The following RSRC1 variants were observed in gnomAD, a reference collection of about 807,000 sequenced individuals.
RSRC1 encodes the protein serine/Arginine-related protein 53.
RSRC1 carries 39 observed loss-of-function variants against 49.1 expected under a neutral mutation model. That is an observed-to-expected ratio of 0.79 (90% CI 0.61 to 1.04). The LOEUF (loss-of-function observed/expected upper bound fraction) is 1.04. RSRC1 is among the 50% of genes least tolerant of loss of function. The pLI is 0.00. For synonymous variants in RSRC1, 143 were observed against 130.8 expected (o/e 1.09, Z -0.63); for missense variants, 388 against 402.4 (o/e 0.96, Z 0.31).
At chr3:158,453,573 G>C (rs1190134114) in intron 6 of RSRC1, among the ~76,000 whole-genome samples, 2 of 151,802 alleles carry the variant, frequency 1.3e-5, no homozygotes, top group Admixed American at 6.6e-5. Flanking sequence ...CATAGAAACA[G>C]GGTCTCACCA....
chr3:158,389,727 C>T (rs1186751755), intron 6 of RSRC1, among the ~76,000 whole-genome samples: 1 of 152,140 alleles, frequency 6.6e-6, no homozygotes. Context: ...AGGTTCCAAG[C>T]TCAAATAATT....
chr3:158,116,713 A>G (rs545191458), intron 1 of RSRC1, among the ~76,000 whole-genome samples: 109 of 128,718 alleles, frequency 8.5e-4, no homozygotes, highest in African/African-American at 3.4e-3. Flanking sequence ...GTTACAGTGA[A>G]TATAGTTTTG....
rs555299553 is a variant in RSRC1, at chr3:158,478,302, A to G, written c.652+17299A>G. On this transcript the variant is annotated intron_variant, in intron 7 of 9. Coordinates refer to ENST00000611884, the MANE Select transcript of RSRC1 (RefSeq NM_001271838.2). ...TGGACTTTTTGAAATATTTTTTTCT[A>G]TGTCTTGTTGAGATGATCATGTGGG... Among the ~76,000 whole-genome samples the G allele has an allele frequency of 4.0e-5, 6 of 150,998 alleles. No homozygotes were observed. The South Asian group carries it at 6.3e-4, about 16-fold the overall frequency.
Position 158,492,105 on chromosome 3 carries a change from A to G in RSRC1, c.652+31102A>G, listed in dbSNP as rs1231830426. 4.6e-5 allele frequency among the ~76,000 whole-genome samples: 7 copies of G among 152,166 alleles called. 1 individual carries two copies. The South Asian group carries it at 1.5e-3, about 32-fold the overall frequency. On this transcript the variant is annotated intron_variant, in intron 7 of 9. Coordinates refer to ENST00000611884, the MANE Select transcript of RSRC1 (RefSeq NM_001271838.2). Reference sequence around the variant, plus strand: ...AGCAAGGCATGTTTTACATGGCAGCAAGAGAGAGAGAGTGGGCGAGCAAGG... The same window carrying G: ...AGCAAGGCATGTTTTACATGGCAGCGAGAGAGAGAGAGTGGGCGAGCAAGG...
At chr3:158,129,941 T>C (rs1020928041) in intron 3 of RSRC1, among the ~76,000 whole-genome samples, 1 of 152,242 alleles carries the variant, frequency 6.6e-6, no homozygotes, top group Non-Finnish European at 1.5e-5. Flanking sequence ...TTTCTTTAGT[T>C]TCTCCAAACA....
At chr3:158,154,328 C>T (rs567302686) in intron 3 of RSRC1, among the ~76,000 whole-genome samples, 48 of 152,148 alleles carry the variant, frequency 3.2e-4, no homozygotes, top group African/African-American at 9.4e-4. Context: ...ATCATGGTGG[C>T]GGTTGCTGAA....
intron 7 of RSRC1, among the ~76,000 whole-genome samples, chr3:158,525,477 T>C (rs1711956396): frequency 6.6e-6 from 1 of 151,994 alleles, no homozygotes; most frequent in East Asian, 1.9e-4. Context: ...ATAACCACTT[T>C]GGAAATCAGT....
chr3:158,330,029 G>A (rs868083770), intron 5 of RSRC1, among the ~76,000 whole-genome samples: 23 of 152,336 alleles, frequency 1.5e-4, no homozygotes, highest in African/African-American at 4.3e-4. Flanking sequence ...TGGACCCTCC[G>A]AGCCAGGCGC....
At chr3:158,467,563 C>A (rs894874510) in intron 7 of RSRC1, among the ~76,000 whole-genome samples, 1 of 152,118 alleles carries the variant, frequency 6.6e-6, no homozygotes, top group African/African-American at 2.4e-5. Flanking sequence ...CCATAGTATG[C>A]ACCTTTAGGG....
At chr3:158,396,059 T>A (rs1733593366) in intron 6 of RSRC1, among the ~76,000 whole-genome samples, 1 of 152,096 alleles carries the variant, frequency 6.6e-6, no homozygotes, top group South Asian at 2.1e-4. Flanking sequence ...CTGGGTGCCA[T>A]TATCCTAAGC....
chr3:158,534,366 A>G (rs1051503399), intron 7 of RSRC1, among the ~76,000 whole-genome samples: 1 of 151,720 alleles, frequency 6.6e-6, no homozygotes, highest in African/African-American at 2.4e-5. Flanking sequence ...TAAAGCTGCT[A>G]TAAAAATTAG....
chr3:158,269,957 G>A (rs138815162), intron 4 of RSRC1, among the ~76,000 whole-genome samples: 2 of 152,248 alleles, frequency 1.3e-5, no homozygotes, highest in East Asian at 3.9e-4. Flanking sequence ...GAAATTGAAA[G>A]CAAATATTTA....
intron 6 of RSRC1, among the ~76,000 whole-genome samples, chr3:158,419,227 C>T (rs1473408786): frequency 6.6e-6 from 1 of 151,854 alleles, no homozygotes; most frequent in Non-Finnish European, 1.5e-5. Flanking sequence ...TGTAGACTTC[C>T]ACAAAGATTT....
chr3:158,417,538 T>C (rs1014068314), intron 6 of RSRC1, among the ~76,000 whole-genome samples: 7 of 152,030 alleles, frequency 4.6e-5, no homozygotes, highest in African/African-American at 1.7e-4. Flanking sequence ...GTTTTCACTA[T>C]GGAAAAAAAG....
chr3:158,254,080 G>A lies in RSRC1; in HGVS notation c.495-43959G>A, dbSNP rs142702319. Among the ~76,000 whole-genome samples, 81 of 152,234 alleles carry A rather than the reference G, an allele frequency of 5.3e-4. 1 individual carries two copies. The highest frequency in any genetic ancestry group is 1.8e-3 in the African/African-American group (76 of 41,532). The stretch of plus-strand genomic sequence containing the variant: ...GGTTTCCAGCTTCATCCATGTCCCT[G>A]CAAAGGACATGAACTCATCCTTTTT... On this transcript the variant is annotated intron_variant, in intron 4 of 9. Coordinates refer to ENST00000611884, the MANE Select transcript of RSRC1 (RefSeq NM_001271838.2).
chr3:158,515,433 C>G (rs56007813), intron 7 of RSRC1, among the ~76,000 whole-genome samples: 42,706 of 104,394 alleles, frequency 0.41, 9,863 homozygotes, highest in African/African-American at 0.51. Flanking sequence ...GGCCCCGACT[C>G]TCTTCTGGCT....
intron 5 of RSRC1, 64 bp from the exon 6 acceptor site, chr3:158,354,793 C>T: frequency 8.4e-7 from 1 of 1,184,584 alleles, no homozygotes; most frequent in Non-Finnish European, 1.2e-6. Flanking sequence ...ATTTAAAACT[C>T]CATCAATTAA....
At chr3:158,331,604 C>G (rs1281198885) in intron 5 of RSRC1, among the ~76,000 whole-genome samples, 1 of 151,932 alleles carries the variant, frequency 6.6e-6, no homozygotes, top group Non-Finnish European at 1.5e-5. Context: ...CATGTGAATT[C>G]TTATTCTGTT....
intron 3 of RSRC1, among the ~76,000 whole-genome samples, chr3:158,146,556 T>C (rs145367232): frequency 2.6e-5 from 4 of 152,222 alleles, no homozygotes; most frequent in Non-Finnish European, 5.9e-5. Context: ...GATTTTTGTG[T>C]CAATGTACAT....
Sources: gnomAD v4.1 joint callset for allele counts (sites outside exome capture counted in the v4.1 genomes callset) on GRCh38, gnomAD v4.1.1 for gene constraint, MANE v1.5 for transcripts, NCBI Gene and HGNC (gene_info 2026-07-23, HGNC 2026-07-21) for gene names.